ARHGEF9: variants seen among roughly 807,000 people sequenced by gnomAD.
ARHGEF9 encodes the protein rho guanine nucleotide exchange factor 9.
A neutral mutation model predicts 41.3 loss-of-function variants in ARHGEF9; 2 were observed. That is an observed-to-expected ratio of 0.05 (90% CI 0.02 to 0.15). The LOEUF (loss-of-function observed/expected upper bound fraction) is 0.15, where lower values mean the gene tolerates loss of function less well. ARHGEF9 is among the 10% of genes least tolerant of loss of function. The pLI is 1.00. For missense variants in ARHGEF9, 225 were observed against 424.7 expected (o/e 0.53, Z 4.13); for synonymous variants, 160 against 154.4 (o/e 1.04, Z -0.27).
intron 3 of ARHGEF9, among the ~76,000 whole-genome samples, chrX:63,704,960 C>T (rs1242501972): frequency 8.9e-6 from 1 of 112,212 alleles, no homozygotes; most frequent in East Asian, 2.8e-4. Context: ...AAATCCTTGG[C>T]CTTGGTGTTT....
intron 8 of ARHGEF9, among the ~76,000 whole-genome samples, chrX:63,644,665 C>G (rs1461491153): frequency 9.1e-6 from 1 of 110,065 alleles, no homozygotes; most frequent in Non-Finnish European, 1.9e-5. Flanking sequence ...AGCTTCACAA[C>G]AGAAAGGACA....
intron 1 of ARHGEF9, among the ~76,000 whole-genome samples, chrX:63,784,298 G>C (rs1402618752): frequency 8.9e-6 from 1 of 112,537 alleles, no homozygotes; most frequent in African/African-American, 3.2e-5. Context: ...GCATCAAAAT[G>C]CAGCCACCAC....
chrX:63,780,571 A>G (rs1410905865), intron 1 of ARHGEF9, among the ~76,000 whole-genome samples: 2 of 111,942 alleles, frequency 1.8e-5, no homozygotes, highest in African/African-American at 6.5e-5. Flanking sequence ...CAGCAATTTT[A>G]AACAATGTTA....
intron 4 of ARHGEF9, among the ~76,000 whole-genome samples, chrX:63,683,207 G>A (rs1556371530): frequency 9.1e-6 from 1 of 110,369 alleles, no homozygotes; most frequent in Non-Finnish European, 1.9e-5. Flanking sequence ...TACCTATAAT[G>A]ATGTATCAAA....
intron 8 of ARHGEF9, among the ~76,000 whole-genome samples, chrX:63,649,675 A>C (rs1360572839): frequency 1.8e-5 from 2 of 111,851 alleles, no homozygotes; most frequent in Non-Finnish European, 3.8e-5. Flanking sequence ...AAGAACAACA[A>C]AATTGATAGA....
At chrX:63,748,689 C>G (rs1481645594) in intron 1 of ARHGEF9, among the ~76,000 whole-genome samples, 18 of 111,696 alleles carry the variant, frequency 1.6e-4, no homozygotes, top group African/African-American at 5.9e-4. Flanking sequence ...ATAAATAAAG[C>G]TCCCTGGGAT....
chrX:63,778,062 C>G (rs782380209), intron 1 of ARHGEF9, among the ~76,000 whole-genome samples: 1 of 113,036 alleles, frequency 8.8e-6, no homozygotes, highest in Non-Finnish European at 1.9e-5. Context: ...CCACATTTCC[C>G]TTCCACACTG....
At position 63,724,697 on chromosome X, in the gene ARHGEF9, A is replaced by T. The variant is rs782237698; in HGVS notation, c.45T>A (p.Asp15Glu). ...ATACTGCCTCAGCACTAACGATGGAATCTCCAGTGATCAGCTTAGGAGACA... is the reference window on the plus strand; with the variant it reads ...ATACTGCCTCAGCACTAACGATGGATTCTCCAGTGATCAGCTTAGGAGACA... ...RGGSGMLITG[D>E]SIVSAEAVWD... is the part of the protein sequence containing the mutation. Residue 15 changes from aspartate to glutamate, a missense_variant, in exon 2 of 10, where the codon GAT becomes GAA. Asp to Glu is a conservative substitution (Grantham distance 45, BLOSUM62 2). Coordinates refer to ENST00000671741, the MANE Select transcript of ARHGEF9 (RefSeq NM_001353921.2). The T allele has an allele frequency of 5.8e-6, 7 of 1,211,168 alleles. No individual in the cohort carries two copies. Among genetic ancestry groups the T allele is most frequent in the Non-Finnish European group, 5.6e-6 (5 of 895,213 alleles).
In ARHGEF9 at chrX:63,674,168, CTG is replaced by C. The variant is rs782770563; in HGVS notation, c.816-3_816-2del. ...AGCAGCTGCCACATACCTGTAGTCA[CTG>C]TGAAAACAAAAGAGTGCAAGTTGAA... On this transcript the variant is annotated splice_acceptor_variant and splice_polypyrimidine_tract_variant and intron_variant, in intron 5 of 9. Transcript: ENST00000671741. LOFTEE classifies it high-confidence loss of function. 8.3e-7 allele frequency: 1 copy of C among 1,210,431 alleles called. No homozygotes were observed.
intron 4 of ARHGEF9, among the ~76,000 whole-genome samples, chrX:63,693,197 CA>C (rs1278211353): frequency 8.9e-6 from 1 of 112,057 alleles, no homozygotes; most frequent in East Asian, 2.8e-4. Flanking sequence ...GTTATAAAAA[CA>C]ATTGTAGTTA....
intron 8 of ARHGEF9, among the ~76,000 whole-genome samples, chrX:63,655,125 T>C (rs781987666): frequency 1.8e-5 from 2 of 112,546 alleles, no homozygotes; most frequent in African/African-American, 6.4e-5. Flanking sequence ...TGAAGTATCC[T>C]AATCAGGAGT....
intron 1 of ARHGEF9, among the ~76,000 whole-genome samples, chrX:63,772,100 C>T (rs1406414679): frequency 8.9e-6 from 1 of 112,097 alleles, no homozygotes; most frequent in Non-Finnish European, 1.9e-5. Flanking sequence ...AGAACCCTCA[C>T]TAATAAATAT....
intron 3 of ARHGEF9, among the ~76,000 whole-genome samples, chrX:63,704,694 A>G (rs73225266): frequency 0.01 from 1,165 of 112,622 alleles, 7 homozygotes; most frequent in Non-Finnish European, 0.017. Context: ...AACTTAAGAG[A>G]TTGCTATAAT....
intron 1 of ARHGEF9, among the ~76,000 whole-genome samples, chrX:63,738,009 G>A (rs2054720504): frequency 8.9e-6 from 1 of 111,956 alleles, no homozygotes; most frequent in South Asian, 3.7e-4. Context: ...CTAGTTTAAA[G>A]ATAAGGAAAC....
chrX:63,744,296 AG>A (rs1307126482), intron 1 of ARHGEF9, among the ~76,000 whole-genome samples: 2 of 112,445 alleles, frequency 1.8e-5, no homozygotes, highest in African/African-American at 6.5e-5. Context: ...GAAAGACCAC[AG>A]TGGCTTGCAC....
rs782672177 is a variant in ARHGEF9 at position 63,643,941 on chromosome X, T to G, written c.1390+39A>C. The stretch of plus-strand genomic sequence containing the variant: ...AATATGTAAGCATATAGCTTATGAT[T>G]CCATAGTCTTTCACAGAGACTGAGT... On this transcript the variant is annotated intron_variant, in intron 9 of 9. Coordinates refer to ENST00000671741, the MANE Select transcript of ARHGEF9 (RefSeq NM_001353921.2). 2.5e-5 allele frequency: 29 copies of G among 1,171,724 alleles called. 1 individual carries two copies. The highest frequency in any genetic ancestry group is 4.7e-4 in the Middle Eastern group (2 of 4,278).
intron 6 of ARHGEF9, among the ~76,000 whole-genome samples, chrX:63,668,535 G>A (rs2049727642): frequency 1.8e-5 from 2 of 111,916 alleles, no homozygotes; most frequent in Non-Finnish European, 3.8e-5. Flanking sequence ...CTAACCTTGA[G>A]CAACACACGT....
intron 1 of ARHGEF9, among the ~76,000 whole-genome samples, chrX:63,729,524 C>T (rs1176699237): frequency 8.9e-6 from 1 of 111,889 alleles, no homozygotes; most frequent in Non-Finnish European, 1.9e-5. Flanking sequence ...CAAGAAAAGG[C>T]CATTTGGGAG....
chrX:63,713,561 G>A (rs1480332739), intron 2 of ARHGEF9, among the ~76,000 whole-genome samples: 1 of 110,333 alleles, frequency 9.1e-6, no homozygotes, highest in Admixed American at 9.7e-5. Context: ...TGGAGGGAAC[G>A]TGAACTCTTC....
Sources: gnomAD v4.1 joint callset for allele counts (sites outside exome capture counted in the v4.1 genomes callset) on GRCh38, gnomAD v4.1.1 for gene constraint, MANE v1.5 for transcripts, NCBI Gene and HGNC (gene_info 2026-07-23, HGNC 2026-07-21) for gene names.